ADCY6: variants seen among roughly 807,000 people sequenced by gnomAD.
ADCY6 encodes adenylate cyclase 6, also known as adenylate cyclase type 6.
In ADCY6, 59 loss-of-function variants were observed where a neutral mutation model predicts 111.6. The observed-to-expected ratio is 0.53, with a 90% CI of 0.43 to 0.66. The LOEUF (loss-of-function observed/expected upper bound fraction) is 0.66, where lower values mean the gene tolerates loss of function less well. ADCY6 is among the 30% of genes least tolerant of loss of function. The pLI, the probability that ADCY6 is intolerant of heterozygous loss-of-function variation, is 0.00. For missense variants in ADCY6, 1,242 were observed against 1,595.6 expected (o/e 0.78, Z 3.78); for synonymous variants, 576 against 642.9 (o/e 0.90, Z 1.57).
At chr12:48,769,413 CAAA>C (rs111727567) in intron 20 of ADCY6, among the ~76,000 whole-genome samples, 55 of 38,846 alleles carry the variant, frequency 1.4e-3, no homozygotes, top group African/African-American at 3.7e-3. Flanking sequence ...ATCCCCATCT[CAAA>C]AAAAAAAAAA....
At chr12:48,773,849 G>T in intron 15 of ADCY6, 91 bp downstream of exon 15, 1 of 1,527,460 alleles carries the variant, frequency 6.5e-7, no homozygotes. Context: ...GTGAGTTCCT[G>T]GGTCCCCAGC....
intron 2 of ADCY6, among the ~76,000 whole-genome samples, chr12:48,780,008 C>G (rs1007758746): frequency 8.5e-5 from 13 of 152,168 alleles, no homozygotes; most frequent in African/African-American, 3.1e-4. Flanking sequence ...CCCCTCCCAG[C>G]AGCAGGGGTG....
chr12:48,771,734 G>A lies in ADCY6; in HGVS notation c.3027C>T (p.Asn1009=), dbSNP rs758624938. 15 of 1,614,020 alleles carry A rather than the reference G, an allele frequency of 9.3e-6. No individual in the cohort carries two copies. In the East Asian group the frequency reaches 1.3e-4, roughly 14 times the overall value. ...NEGVECLRLL[N]EIIADFDEII... Reference sequence around the variant, plus strand: ...CCTCATCAAAGTCAGCGATGATCTCGTTGAGCAGCCGCAGGCACTCGACAC... The same window carrying A: ...CCTCATCAAAGTCAGCGATGATCTCATTGAGCAGCCGCAGGCACTCGACAC... The change falls in exon 19 of 22, where the codon AAC becomes AAT. Residue 1009 remains asparagine, a synonymous_variant. Transcript: ENST00000357869. The surrounding 1 kb of genome is among the most constrained non-coding windows in gnomAD (Gnocchi z 4.3).
rs1465693544 is a variant in ADCY6 at position 48,776,962 on chromosome 12, A to G, written c.1376+142T>C. On this transcript the variant is annotated intron_variant, in intron 6 of 21. Coordinates refer to ENST00000357869, the MANE Select transcript of ADCY6 (RefSeq NM_015270.5). This position sits in a 1 kb window ranked among gnomAD's most constrained non-coding sequence, Gnocchi z 6.1. ...CATGGGTCTTTGCACAGGTTGGAGA[A>G]AGATTCCCCTTCCCAGTGACAGACA... The G allele has an allele frequency of 1.5e-6, 2 of 1,321,988 alleles. No individual in the cohort carries two copies. Among genetic ancestry groups the G allele is most frequent in the Non-Finnish European group, 2.1e-6 (2 of 973,822 alleles). 81.9% of individuals were successfully genotyped at this position (1,321,988 alleles called of 1,614,324 possible).
chr12:48,776,366 A>C lies in ADCY6; in HGVS notation c.1536-16T>G. 6.2e-7 allele frequency: 1 copy of C among 1,614,150 alleles called. No individual in the cohort carries two copies. Among genetic ancestry groups the C allele is most frequent in the South Asian group, 1.1e-5 (1 of 91,078 alleles). On this transcript the variant is annotated splice_polypyrimidine_tract_variant and intron_variant, in intron 7 of 21. Coordinates refer to ENST00000357869, the MANE Select transcript of ADCY6 (RefSeq NM_015270.5). This position sits in a 1 kb window ranked among gnomAD's most constrained non-coding sequence, Gnocchi z 6.1. ...GTGGATGCGGCTGTATGTGGCCAAGAGGGTGAGACCCTGGCTCTCCCACCT... is the reference window on the plus strand; with the variant it reads ...GTGGATGCGGCTGTATGTGGCCAAGCGGGTGAGACCCTGGCTCTCCCACCT...
chr12:48,768,795 A>G, intron 21 of ADCY6, 79 bp from the exon 22 acceptor site: 2 of 1,570,554 alleles, frequency 1.3e-6, no homozygotes, highest in African/African-American at 1.3e-5. Flanking sequence ...TTCTCTAGTC[A>G]GGCTAGCTCC....
Position 48,777,031 on chromosome 12 carries a change from G to T in ADCY6, c.1376+73C>A. The T allele has an allele frequency of 1.3e-6, 2 of 1,516,102 alleles. No individual in the cohort carries two copies. The highest frequency in any genetic ancestry group is 8.8e-7 in the Non-Finnish European group (1 of 1,131,844). The allele number at this position is 1,516,102 out of a possible 1,614,324, so 93.9% of individuals were successfully genotyped here. ...AGCCAAAACTGAGGAAATCTCCTGAGGTCTCATCAAAAAGTAGGAGCAGTC... is the reference window on the plus strand; with the variant it reads ...AGCCAAAACTGAGGAAATCTCCTGATGTCTCATCAAAAAGTAGGAGCAGTC... On this transcript the variant is annotated intron_variant, in intron 6 of 21. Coordinates refer to ENST00000357869, the MANE Select transcript of ADCY6 (RefSeq NM_015270.5). This position sits in a 1 kb window ranked among gnomAD's most constrained non-coding sequence, Gnocchi z 4.9.
chr12:48,788,647 C>T (rs1942026252), intron 1 of ADCY6, among the ~76,000 whole-genome samples: 1 of 152,092 alleles, frequency 6.6e-6, no homozygotes, highest in Non-Finnish European at 1.5e-5. Context: ...TCCGGGCCAG[C>T]CTGGAACTCG....
chr12:48,776,701 G>A lies in ADCY6; in HGVS notation c.1377-115C>T. On this transcript the variant is annotated intron_variant, in intron 6 of 21. Transcript: ENST00000357869. The surrounding 1 kb of genome is among the most constrained non-coding windows in gnomAD (Gnocchi z 6.1). Reference sequence around the variant, plus strand: ...GGGCAAGGACAGACCCAGATGCAGGGGACGGGAGCACAGCCTTGGTTGGAC... The same window carrying A: ...GGGCAAGGACAGACCCAGATGCAGGAGACGGGAGCACAGCCTTGGTTGGAC... 1 of 1,343,860 alleles carries A rather than the reference G, an allele frequency of 7.4e-7. No individual in the cohort carries two copies. Among genetic ancestry groups the A allele is most frequent in the Non-Finnish European group, 9.9e-7 (1 of 1,005,448 alleles). 83.2% of individuals were successfully genotyped at this position (1,343,860 alleles called of 1,614,324 possible).
chr12:48,781,806 C>T (rs1467160630), intron 2 of ADCY6, among the ~76,000 whole-genome samples: 1 of 152,226 alleles, frequency 6.6e-6, no homozygotes, highest in East Asian at 1.9e-4. Flanking sequence ...CCACACGGAG[C>T]CGTGGAGTCC....
At position 48,774,538 on chromosome 12, in the gene ADCY6, A is replaced by G. The variant is rs777525532; in HGVS notation, c.2167-20T>C. The stretch of plus-strand genomic sequence containing the variant: ...GAACAGCTAGAGGCATCAAGAGACC[A>G]AGAGTTGAAGGTTGTATCAGCCAAG... On this transcript the variant is annotated intron_variant, in intron 13 of 21. Transcript: ENST00000357869. 1 of 1,609,066 alleles carries G rather than the reference A, an allele frequency of 6.2e-7. No individual in the cohort carries two copies. The highest frequency in any genetic ancestry group is 1.1e-5 in the South Asian group (1 of 90,974).
In ADCY6 at chr12:48,783,278, G is replaced by A. The variant is rs1302376899; in HGVS notation, c.157C>T (p.Pro53Ser). 3 of 1,612,204 alleles carry A rather than the reference G, an allele frequency of 1.9e-6. No individual in the cohort carries two copies. The highest frequency in any genetic ancestry group is 2.2e-5 in the East Asian group (1 of 44,864). Residue 53 changes from proline to serine, a missense_variant, in exon 2 of 22, where the codon CCC (proline) becomes TCC (serine). Physicochemically the swap from Pro to Ser is moderately conservative, Grantham distance 74 (BLOSUM62 -1). This residue lies in a region of ADCY6 where 362 missense variants were observed against 377.2 expected (regional missense o/e 0.96). Transcript: ENST00000357869. ...YMSCLRDAEP[P>S]SPTPAGPPRC... ...GGGGGGCCCGCAGGGGTGGGGCTGG[G>A]TGGCTCTGCATCCCGGAGGCAGCTC...
intron 20 of ADCY6, among the ~76,000 whole-genome samples, chr12:48,769,886 C>T (rs1224228760): frequency 1.3e-5 from 2 of 151,666 alleles, no homozygotes; most frequent in African/African-American, 4.8e-5. Flanking sequence ...CTCAGCCTCC[C>T]GAGTAGCTGG....
intron 2 of ADCY6, among the ~76,000 whole-genome samples, chr12:48,779,591 G>A (rs1000914085): frequency 2.0e-5 from 3 of 152,138 alleles, no homozygotes; most frequent in Non-Finnish European, 4.4e-5. Context: ...CTAGGCCTAG[G>A]GCCCCACCCT....
At chr12:48,784,303 A>G in intron 1 of ADCY6, among the ~76,000 whole-genome samples, 1 of 139,718 alleles carries the variant, frequency 7.2e-6, no homozygotes, top group Non-Finnish European at 1.6e-5. Flanking sequence ...GAAGGAAGGG[A>G]GGGAAGGGAG....
intron 16 of ADCY6, among the ~76,000 whole-genome samples, chr12:48,773,183 C>T (rs1327062373): frequency 2.0e-5 from 3 of 152,102 alleles, no homozygotes; most frequent in East Asian, 3.8e-4. Context: ...GCTGTATGTC[C>T]TATAGGTGGT....
At chr12:48,781,630 C>T (rs147057398) in intron 2 of ADCY6, among the ~76,000 whole-genome samples, 43 of 152,316 alleles carry the variant, frequency 2.8e-4, no homozygotes, top group African/African-American at 1.0e-3. Context: ...GGGTTCTACT[C>T]CACTCTAGGA....
chr12:48,784,669 T>TTTTTTTTG (rs1941944592), intron 1 of ADCY6, among the ~76,000 whole-genome samples: 1 of 134,004 alleles, frequency 7.5e-6, no homozygotes, highest in South Asian at 2.7e-4. Context: ...TCTGGAGTTT[T>TTTTTTTTG]TTTTTTTTTT....
At chr12:48,774,268 G>A in intron 14 of ADCY6, 134 bp downstream of exon 14, 1 of 1,080,734 alleles carries the variant, frequency 9.3e-7, no homozygotes, top group Non-Finnish European at 1.4e-6. Context: ...AGGAGAACCG[G>A]AGTTAACCTT....
Sources: gnomAD v4.1 joint callset for allele counts (sites outside exome capture counted in the v4.1 genomes callset) on GRCh38, gnomAD v4.1.1 for gene constraint, gnomAD v4.1.1 regional missense constraint, Gnocchi (gnomAD v3.1) non-coding constraint, MANE v1.5 for transcripts, NCBI Gene and HGNC (gene_info 2026-07-23, HGNC 2026-07-21) for gene names.